Variants in TTC28 observed in about 807,000 individuals in gnomAD.
TTC28 encodes the protein tetratricopeptide repeat domain 28.
In TTC28, 61 loss-of-function variants were observed where a neutral mutation model predicts 198.0. The observed-to-expected ratio is 0.31, with a 90% CI of 0.25 to 0.38. TTC28 has a LOEUF of 0.38. Among genes scored for constraint, TTC28 ranks in the 10% least tolerant of loss-of-function variants. The pLI is 1.00. For missense variants in TTC28, 2,678 were observed against 3,164.0 expected (o/e 0.85, Z 3.69); for synonymous variants, 1,171 against 1,297.8 (o/e 0.90, Z 2.10).
chr22:28,117,496 C>T (rs1400865926), intron 6 of TTC28, among the ~76,000 whole-genome samples: 2 of 152,184 alleles, frequency 1.3e-5, no homozygotes, highest in African/African-American at 2.4e-5. Flanking sequence ...GCTTTTGAGC[C>T]ATCCATGCCT....
intron 2 of TTC28, among the ~76,000 whole-genome samples, chr22:28,499,068 C>T (rs933159526): frequency 2.6e-5 from 4 of 151,854 alleles, no homozygotes; most frequent in Non-Finnish European, 5.9e-5. Flanking sequence ...GTCCCAGCTA[C>T]TTGGGAGGCT....
chr22:28,563,029 A>AGGAG (rs1365413059), intron 2 of TTC28, among the ~76,000 whole-genome samples: 1 of 152,136 alleles, frequency 6.6e-6, no homozygotes, highest in Admixed American at 6.6e-5. Context: ...AGGGTGAGGC[A>AGGAG]GGAGGGTCGC....
At chr22:28,505,819 C>T (rs1200596439) in intron 2 of TTC28, among the ~76,000 whole-genome samples, 1 of 152,236 alleles carries the variant, frequency 6.6e-6, no homozygotes, top group Non-Finnish European at 1.5e-5. Context: ...CACTGGAAGC[C>T]AGTTAAGACC....
intron 2 of TTC28, among the ~76,000 whole-genome samples, chr22:28,349,933 C>G (rs1327065310): frequency 6.6e-5 from 10 of 152,170 alleles, no homozygotes; most frequent in African/African-American, 2.2e-4. Flanking sequence ...AAGAAATTAA[C>G]CCAATGTTAC....
At chr22:28,309,556 T>C (rs193286790) in intron 2 of TTC28, among the ~76,000 whole-genome samples, 2 of 152,362 alleles carry the variant, frequency 1.3e-5, no homozygotes, top group Admixed American at 1.3e-4. Context: ...GCCTATCTGC[T>C]TCTCCTTCTA....
intron 1 of TTC28, among the ~76,000 whole-genome samples, chr22:28,657,940 A>T (rs573489030): frequency 6.6e-6 from 1 of 152,304 alleles, no homozygotes; most frequent in African/African-American, 2.4e-5. Flanking sequence ...ATACAAAATT[A>T]AAAATGGTCC....
intron 2 of TTC28, among the ~76,000 whole-genome samples, chr22:28,475,317 T>C (rs1332597562): frequency 6.6e-6 from 1 of 151,990 alleles, no homozygotes; most frequent in African/African-American, 2.4e-5. Flanking sequence ...CAGGATGCCC[T>C]CCCATGGCAG....
At chr22:28,094,275 T>C (rs1468768640) in intron 11 of TTC28, 30 bp from the exon 12 acceptor site, 15 of 1,524,156 alleles carry the variant, frequency 9.8e-6, no homozygotes, top group Middle Eastern at 1.8e-4. Context: ...GCCAACATTA[T>C]ACACAATTAG....
intron 2 of TTC28, among the ~76,000 whole-genome samples, chr22:28,492,327 T>C (rs141262054): frequency 6.8e-4 from 103 of 152,276 alleles, no homozygotes; most frequent in African/African-American, 2.5e-3. Flanking sequence ...AATAGCTTAA[T>C]AGATGCTCTG....
intron 2 of TTC28, among the ~76,000 whole-genome samples, chr22:28,430,685 C>T (rs1261757895): frequency 1.3e-5 from 2 of 152,086 alleles, no homozygotes; most frequent in Non-Finnish European, 2.9e-5. Flanking sequence ...CAAATAAAAT[C>T]CCATCATTTG....
intron 5 of TTC28, among the ~76,000 whole-genome samples, chr22:28,251,662 C>T (rs141168187): frequency 6.6e-5 from 10 of 152,254 alleles, no homozygotes; most frequent in African/African-American, 2.2e-4. Flanking sequence ...ATTTATTTAA[C>T]CTTTTTGAGC....
At chr22:28,064,341 G>A (rs190879167) in intron 12 of TTC28, among the ~76,000 whole-genome samples, 286 of 152,238 alleles carry the variant, frequency 1.9e-3, no homozygotes, top group African/African-American at 6.0e-3. Context: ...AGGTTTGGAT[G>A]AAGTCTCCAA....
intron 2 of TTC28, among the ~76,000 whole-genome samples, chr22:28,517,072 C>G (rs187889027): frequency 1.3e-5 from 2 of 152,314 alleles, no homozygotes; most frequent in Admixed American, 1.3e-4. Context: ...AATCGCAGAG[C>G]TAGGTTTTCA....
At chr22:28,658,929 G>A (rs1469925080) in intron 1 of TTC28, among the ~76,000 whole-genome samples, 2 of 152,194 alleles carry the variant, frequency 1.3e-5, no homozygotes, top group East Asian at 3.9e-4. Context: ...CCTGGGAGGT[G>A]GAGGTCACAG....
chr22:28,096,908 G>A (rs995479787), intron 10 of TTC28, among the ~76,000 whole-genome samples: 1 of 151,776 alleles, frequency 6.6e-6, no homozygotes, highest in Non-Finnish European at 1.5e-5. Flanking sequence ...GGGTTCAAGC[G>A]ATTCTCCTGC....
At chr22:28,325,602 A>T (rs540393247) in intron 2 of TTC28, among the ~76,000 whole-genome samples, 1 of 152,150 alleles carries the variant, frequency 6.6e-6, no homozygotes, top group Non-Finnish European at 1.5e-5. Context: ...CCAAAAGAGG[A>T]TGTATATCCT....
intron 12 of TTC28, among the ~76,000 whole-genome samples, chr22:28,083,873 C>G: frequency 6.6e-6 from 1 of 152,364 alleles, no homozygotes; most frequent in South Asian, 2.1e-4. Context: ...TATCCCGCAC[C>G]TGGCTCAGAG....
At position 28,052,106 on chromosome 22, in the gene TTC28, A is replaced by C. The variant is rs79111949; in HGVS notation, c.3933-21740T>G. On this transcript the variant is annotated intron_variant, in intron 12 of 22. Coordinates refer to ENST00000397906, the MANE Select transcript of TTC28 (RefSeq NM_001145418.2). ...CAGAATTAATTGGAAAAGAGATGGAATTTGTATTTCCAGTTCCCTTGGGGG... is the reference window on the plus strand; with the variant it reads ...CAGAATTAATTGGAAAAGAGATGGACTTTGTATTTCCAGTTCCCTTGGGGG... Among the ~76,000 whole-genome samples, 1,469 of 152,320 alleles carry C rather than the reference A, an allele frequency of 9.6e-3. 26 individuals carry two copies. Among genetic ancestry groups the C allele is most frequent in the African/African-American group, 0.033 (1,369 of 41,568 alleles).
chr22:28,148,471 G>A lies in TTC28; in HGVS notation c.1441+14621C>T, dbSNP rs192562717. ...TACTAAAAATACAAAAAGTTAGCTA[G>A]GCGCGGTGGCGGGCACCTGTAGTCC... On this transcript the variant is annotated intron_variant, in intron 6 of 22. Coordinates refer to ENST00000397906, the MANE Select transcript of TTC28 (RefSeq NM_001145418.2). Among the ~76,000 whole-genome samples the A allele has an allele frequency of 2.2e-4, 34 of 152,220 alleles. 1 individual carries two copies. The East Asian group carries it at 6.6e-3, about 30-fold the overall frequency.
Sources: allele counts gnomAD v4.1 joint callset (sites outside exome capture counted in the v4.1 genomes callset), GRCh38; gene constraint gnomAD v4.1.1; transcripts MANE v1.5; gene names NCBI Gene and HGNC (gene_info 2026-07-23, HGNC 2026-07-21).